Variants in TRAP1 observed in about 807,000 individuals in gnomAD.
TRAP1 encodes the protein TNF receptor associated protein 1.
A neutral mutation model predicts 89.1 loss-of-function variants in TRAP1; 102 were observed. The ratio of observed to expected loss-of-function variants is 1.15; its 90% CI spans 0.98 to 1.35. The LOEUF (loss-of-function observed/expected upper bound fraction) is 1.35, where lower values mean the gene tolerates loss of function less well. TRAP1 is among the 40% of genes most tolerant of loss of function. TRAP1 has a pLI of 0.00. For synonymous variants in TRAP1, 508 were observed against 388.0 expected, an observed-to-expected ratio of 1.31 and a Z score of -3.64; for missense variants, 1,256 against 945.3, an observed-to-expected ratio of 1.33 and a Z score of -4.31.
At chr16:3,658,763 C>G in intron 17 of TRAP1, 30 bp downstream of exon 17, 2 of 1,605,434 alleles carry the variant, frequency 1.2e-6, no homozygotes, top group Non-Finnish European at 1.7e-6. Flanking sequence ...AGCCTGGGTC[C>G]CTGCAGTCAT....
rs2151231178 is a variant in TRAP1 at position 3,658,838 on chromosome 16, C to T, written c.1968G>A (p.Gln656=). 6.2e-7 allele frequency: 1 copy of T among 1,614,030 alleles called. No homozygotes were observed. Among genetic ancestry groups the T allele is most frequent in the East Asian group, 2.2e-5 (1 of 44,882 alleles). ...PRHALIKKLN[Q]LRASEPGLAQ... ...CCAGGCCAGGCTCGCTTGCGCGCAG[C>T]TGATTCAGCTTCTTGATGAGCGCGT... The change falls in exon 17 of 18, where the codon CAG becomes CAA. Residue 656 remains glutamine (Q), a synonymous_variant. Coordinates refer to ENST00000246957, the MANE Select transcript of TRAP1 (RefSeq NM_016292.3).
At chr16:3,686,198 G>A in intron 3 of TRAP1, 62 bp from the exon 4 acceptor site, 3 of 1,565,098 alleles carry the variant, frequency 1.9e-6, no homozygotes, top group Non-Finnish European at 2.6e-6. Context: ...GGATCTATCT[G>A]GTCAGCTGCA....
In TRAP1 at chr16:3,658,812, G is replaced by A; in HGVS notation, c.1994C>T (p.Ala665Val). 6.2e-7 allele frequency: 1 copy of A among 1,613,810 alleles called. No individual in the cohort carries two copies. The highest frequency in any genetic ancestry group is 8.5e-7 in the Non-Finnish European group (1 of 1,179,952). ...ACTCACCTGATCCACCAGCAGCTGA[G>A]CCAGGCCAGGCTCGCTTGCGCGCAG... The part of the protein sequence containing the change: ...NQLRASEPGL[A>V]QLLVDQIYEN... Residue 665 changes from alanine to valine, a missense_variant, in exon 17 of 18, where the codon GCT (alanine) becomes GTT (valine). By Grantham distance (64) the Ala-to-Val change is moderately conservative. Transcript: ENST00000246957.
At chr16:3,669,304 T>C (rs1455937152) in intron 11 of TRAP1, among the ~76,000 whole-genome samples, 3 of 152,168 alleles carry the variant, frequency 2.0e-5, no homozygotes, top group African/African-American at 7.2e-5. Flanking sequence ...GGGGCGGGGA[T>C]GCATCCTGTT....
chr16:3,663,085 G>C (rs553112260), intron 14 of TRAP1, 118 bp from the exon 15 acceptor site: 1 of 784,836 alleles, frequency 1.3e-6, no homozygotes, highest in South Asian at 1.8e-5. Flanking sequence ...GGAGACACAA[G>C]CTAGCAAGAT....
At chr16:3,695,448 A>G (rs2051273301) in intron 1 of TRAP1, among the ~76,000 whole-genome samples, 2 of 151,610 alleles carry the variant, frequency 1.3e-5, no homozygotes, top group African/African-American at 4.9e-5. Flanking sequence ...AGGTGGAAGG[A>G]CTGCTCGAAC....
At chr16:3,691,170 T>C in intron 1 of TRAP1, 185 bp from the exon 2 acceptor site, 4 of 475,152 alleles carry the variant, frequency 8.4e-6, no homozygotes, top group Middle Eastern at 3.7e-4. Flanking sequence ...CAAGGAGCCC[T>C]CACAGATGTC....
At chr16:3,706,888 C>T (rs1031801770) in intron 1 of TRAP1, among the ~76,000 whole-genome samples, 3 of 152,040 alleles carry the variant, frequency 2.0e-5, no homozygotes, top group Admixed American at 6.6e-5. Context: ...GTATGTGCCT[C>T]AGGGTAGAAC....
intron 13 of TRAP1, chr16:3,663,924 G>A (rs1488442354): frequency 8.4e-6 from 3 of 359,062 alleles, no homozygotes; most frequent in Admixed American, 4.3e-5. Context: ...TTTGCTGGGT[G>A]TGGTGGTGTG....
At position 3,662,264 on chromosome 16, in the gene TRAP1, C is replaced by CGCTG. The variant is rs917757466; in HGVS notation, c.1795-136_1795-133dup. 2.8e-5 allele frequency: 30 copies of CGCTG among 1,080,088 alleles called. 1 individual carries two copies. The highest frequency in any genetic ancestry group is 1.6e-4 in the East Asian group (6 of 38,350). 66.9% of individuals were successfully genotyped at this position (1,080,088 alleles called of 1,614,324 possible). A position where few individuals can be genotyped will look rare whatever the true frequency, so the allele number is the denominator to read the frequency against. ...GGTCTCAAGGACTCCCCTGGACCAG[C>CGCTG]GCTGCTCCCTCCCCATTACCCACTA... On this transcript the variant is annotated intron_variant, in intron 15 of 17. Coordinates refer to ENST00000246957, the MANE Select transcript of TRAP1 (RefSeq NM_016292.3).
chr16:3,665,968 T>C lies in TRAP1; in HGVS notation c.1383+3A>G. Reference sequence around the variant, plus strand: ...AAAAAGGCCTGGAACACAGCTCCTATACCTTGACCTCCTGCTCGGTGGCGG... The same window carrying C: ...AAAAAGGCCTGGAACACAGCTCCTACACCTTGACCTCCTGCTCGGTGGCGG... On this transcript the variant is annotated splice_donor_region_variant and intron_variant, in intron 12 of 17. Coordinates refer to ENST00000246957, the MANE Select transcript of TRAP1 (RefSeq NM_016292.3). 6.2e-7 allele frequency: 1 copy of C among 1,612,386 alleles called. No individual in the cohort carries two copies. The highest frequency in any genetic ancestry group is 1.3e-5 in the African/African-American group (1 of 74,872).
In TRAP1 at chr16:3,694,002, A is replaced by G. The variant is rs1323508962; in HGVS notation, c.89-3017T>C. On this transcript the variant is annotated intron_variant, in intron 1 of 17. Transcript: ENST00000246957. ...GGTGAGACAGCGAGACTCTGTCTCA[A>G]AAAAAAAAAAAAAAAGGTCCCAGGT... Among the ~76,000 whole-genome samples the G allele has an allele frequency of 5.8e-4, 7 of 12,064 alleles. No individual in the cohort carries two copies. The South Asian group carries it at 0.023, about 40-fold the overall frequency. 7.9% of individuals were successfully genotyped at this position (12,064 alleles called of 152,430 possible).
chr16:3,662,863 A>G lies in TRAP1; in HGVS notation c.1794+19T>C. On this transcript the variant is annotated intron_variant, in intron 15 of 17. Coordinates refer to ENST00000246957, the MANE Select transcript of TRAP1 (RefSeq NM_016292.3). Reference sequence around the variant, plus strand: ...GGACACTGCGGCCAAGTGGTGGTCCATCCCCGGGAAAGCCTCACCTTCACG... The same window carrying G: ...GGACACTGCGGCCAAGTGGTGGTCCGTCCCCGGGAAAGCCTCACCTTCACG... 2.5e-6 allele frequency: 4 copies of G among 1,612,928 alleles called. No individual in the cohort carries two copies. Among genetic ancestry groups the G allele is most frequent in the Non-Finnish European group, 3.4e-6 (4 of 1,179,486 alleles).
intron 9 of TRAP1, among the ~76,000 whole-genome samples, chr16:3,673,096 C>A (rs1271619963): frequency 6.6e-6 from 1 of 152,108 alleles, no homozygotes; most frequent in Non-Finnish European, 1.5e-5. Flanking sequence ...CCTGAACACA[C>A]TGAACACAGC....
At position 3,679,789 on chromosome 16, in the gene TRAP1, T is replaced by C. The variant is rs747392425; in HGVS notation, c.473A>G (p.Asp158Gly). The change falls in exon 5 of 18, where the codon GAT becomes GGT. Residue 158 changes from aspartate to glycine, a missense_variant and splice_region_variant. Coordinates refer to ENST00000246957, the MANE Select transcript of TRAP1 (RefSeq NM_016292.3). Reference sequence around the variant, plus strand: ...TTCCTGTGTCATCCCGATACCAGTATCCTGAGGAGAGAGACGCACTAAGTG... The same window carrying C: ...TTCCTGTGTCATCCCGATACCAGTACCCTGAGGAGAGAGACGCACTAAGTG... ...NAEKGTITIQ[D>G]TGIGMTQEEL... The C allele has an allele frequency of 3.1e-6, 5 of 1,613,906 alleles. No homozygotes were observed. The African/African-American group carries it at 5.3e-5, about 17-fold the overall frequency.
At chr16:3,710,673 C>T (rs1272550679) in intron 1 of TRAP1, among the ~76,000 whole-genome samples, 1 of 152,132 alleles carries the variant, frequency 6.6e-6, no homozygotes, top group East Asian at 1.9e-4. Flanking sequence ...TGTGAACTAA[C>T]ATGGCAATGT....
intron 1 of TRAP1, among the ~76,000 whole-genome samples, chr16:3,691,396 T>A (rs956640020): frequency 5.9e-5 from 9 of 152,112 alleles, no homozygotes; most frequent in Non-Finnish European, 1.3e-4. Flanking sequence ...TTTTAAAAAA[T>A]TTTTTGTAGA....
At position 3,717,433 on chromosome 16, in the gene TRAP1, C is replaced by T; in HGVS notation, c.76G>A (p.Ala26Thr). ...RPLLRAPALA[A>T]VPGGKPILCP... ...AGGACGCCCTCACCTCCCGGCACGG[C>T]CGCCAGCGCCGGCGCCCGCAGCAAA... Residue 26 changes from alanine to threonine, a missense_variant, in exon 1 of 18, where the codon GCC becomes ACC. Coordinates refer to ENST00000246957, the MANE Select transcript of TRAP1 (RefSeq NM_016292.3). 8.0e-7 allele frequency: 1 copy of T among 1,253,244 alleles called. No individual in the cohort carries two copies. The highest frequency in any genetic ancestry group is 3.2e-5 in the East Asian group (1 of 30,786). The allele number at this position is 1,253,244 out of a possible 1,614,324, so 77.6% of individuals were successfully genotyped here. A position where few individuals can be genotyped will look rare whatever the true frequency, so the allele number is the denominator to read the frequency against.
At chr16:3,698,964 G>A (rs8048452) in intron 1 of TRAP1, among the ~76,000 whole-genome samples, 31,521 of 152,046 alleles carry the variant, frequency 0.21, 3,323 homozygotes, top group South Asian at 0.29. Context: ...AAACACGCTA[G>A]CTGTACAATT....
Sources: allele counts gnomAD v4.1 joint callset (sites outside exome capture counted in the v4.1 genomes callset), GRCh38; gene constraint gnomAD v4.1.1; transcripts MANE v1.5; gene names NCBI Gene and HGNC (gene_info 2026-07-23, HGNC 2026-07-21).